Variants in CXCL9 observed in about 807,000 individuals in gnomAD.
CXCL9 encodes C-X-C motif chemokine ligand 9.
Under a neutral mutation model 11.7 loss-of-function variants are expected in CXCL9, and 8 were observed. The ratio of observed to expected loss-of-function variants is 0.68; its 90% CI spans 0.40 to 1.23. The LOEUF (loss-of-function observed/expected upper bound fraction) is 1.23. Among genes scored for constraint, CXCL9 ranks in the 50% most tolerant of loss-of-function variants. The pLI, the probability that CXCL9 is intolerant of heterozygous loss-of-function variation, is 0.01. For missense variants in CXCL9, 133 were observed against 141.7 expected, an observed-to-expected ratio of 0.94 and a Z score of 0.31; for synonymous variants, 43 against 48.2, an observed-to-expected ratio of 0.89 and a Z score of 0.45.
chr4:76,003,060 T>C lies in CXCL9; in HGVS notation c.*538A>G, dbSNP rs1028919588. On this transcript the variant is annotated 3_prime_UTR_variant, in exon 4 of 4. Coordinates refer to ENST00000264888, the MANE Select transcript of CXCL9 (RefSeq NM_002416.3). Reference sequence around the variant, plus strand: ...ACACACTGGTGATCTCCAGTGGTGATACCCAATAACAATCAGCATGAATCT... The same window carrying C: ...ACACACTGGTGATCTCCAGTGGTGACACCCAATAACAATCAGCATGAATCT... The C allele has an allele frequency of 6.6e-6, 1 of 152,464 alleles. No individual in the cohort carries two copies. Among genetic ancestry groups the C allele is most frequent in the Non-Finnish European group, 1.5e-5 (1 of 68,226 alleles). 9.4% of individuals were successfully genotyped at this position (152,464 alleles called of 1,614,324 possible).
At chr4:76,004,778 A>G in intron 3 of CXCL9, 31 bp downstream of exon 3, 1 of 1,583,916 alleles carries the variant, frequency 6.3e-7, no homozygotes, top group East Asian at 2.3e-5. Flanking sequence ...TTTCTAAAAG[A>G]AAGAAAATTT....
Position 76,007,421 on chromosome 4 carries a change from A to C in CXCL9, c.29T>G (p.Leu10Trp). The change falls in exon 1 of 4, where the codon TTG becomes TGG. Residue 10 changes from leucine to tryptophan, a missense_variant. Transcript: ENST00000264888. ...AATCAGAACCAGCAAGATGATGCCC[A>C]AGAGGAAAAGAACACCACTTTTCTT... MKKSGVLFL[L>W]GIILLVLIGV... The C allele has an allele frequency of 6.2e-7, 1 of 1,603,758 alleles. No homozygotes were observed. Among genetic ancestry groups the C allele is most frequent in the Non-Finnish European group, 8.5e-7 (1 of 1,170,530 alleles).
At chr4:76,004,110 C>T (rs1731532467) in intron 3 of CXCL9, among the ~76,000 whole-genome samples, 1 of 152,168 alleles carries the variant, frequency 6.6e-6, no homozygotes, top group African/African-American at 2.4e-5. Flanking sequence ...CCCAATCTCC[C>T]ACCCACATAT....
chr4:76,005,803 T>C (rs1731574013), intron 2 of CXCL9: 1 of 205,004 alleles, frequency 4.9e-6, no homozygotes, highest in East Asian at 1.3e-4. Flanking sequence ...ATCTATGTTA[T>C]GTGCACACGA....
intron 2 of CXCL9, chr4:76,005,483 T>C (rs1355231278): frequency 6.6e-6 from 1 of 152,254 alleles, no homozygotes; most frequent in African/African-American, 2.4e-5. Flanking sequence ...TCCTTCAACC[T>C]AGCAATCCTA....
intron 2 of CXCL9, 57 bp downstream of exon 2, chr4:76,006,091 C>T: frequency 6.5e-7 from 1 of 1,542,756 alleles, no homozygotes; most frequent in Non-Finnish European, 8.9e-7. Context: ...AAAACTCATG[C>T]TAAATTTAAT....
chr4:76,001,616 T>C lies in CXCL9; in HGVS notation c.*1982A>G, dbSNP rs1381163919. The C allele has an allele frequency of 6.6e-6, 1 of 152,230 alleles. No individual in the cohort carries two copies. The highest frequency in any genetic ancestry group is 1.5e-5 in the Non-Finnish European group (1 of 68,044). The allele number at this position is 152,230 out of a possible 1,614,324, so 9.4% of individuals were successfully genotyped here. ...TGTATGTATATATATGATAAATGAT[T>C]ATAACGTGTGTGTCAGTGACAATAT... is the stretch of plus-strand genomic sequence containing the variant. On this transcript the variant is annotated 3_prime_UTR_variant, in exon 4 of 4. Coordinates refer to ENST00000264888, the MANE Select transcript of CXCL9 (RefSeq NM_002416.3).
At chr4:76,006,066 A>C (rs1450086321) in intron 2 of CXCL9, 82 bp downstream of exon 2, 1 of 1,309,932 alleles carries the variant, frequency 7.6e-7, no homozygotes, top group African/African-American at 1.5e-5. Flanking sequence ...TTGTATGGGC[A>C]AGCACTCCAA....
intron 2 of CXCL9, chr4:76,005,138 C>G (rs936247890): frequency 5.1e-5 from 21 of 408,904 alleles, no homozygotes; most frequent in Non-Finnish European, 7.1e-5. Context: ...CTTCCAACTC[C>G]TGGATTCAAG....
Position 76,006,210 on chromosome 4 carries a change from T to C in CXCL9, c.129A>G (p.Leu43=), listed in dbSNP as rs111816429. The C allele has an allele frequency of 1.2e-6, 2 of 1,613,800 alleles. No individual in the cohort carries two copies. The highest frequency in any genetic ancestry group is 2.2e-5 in the South Asian group (2 of 91,080). The change falls in exon 2 of 4, where the codon CTA becomes CTG. Residue 43 remains leucine (L), a synonymous_variant. Transcript: ENST00000264888. ...ATTGTTTAAGGTCTTTCAAGGATTG[T>C]AGGTGGATAGTCCCTTGGTTGGTGC... ...CISTNQGTIH[L]QSLKDLKQFA... is the part of the protein sequence containing the mutation.
Position 76,002,429 on chromosome 4 carries a change from A to G in CXCL9, c.*1169T>C, listed in dbSNP as rs942200640. 1.0e-5 allele frequency: 4 copies of G among 398,490 alleles called. No individual in the cohort carries two copies. The highest frequency in any genetic ancestry group is 8.8e-5 in the Admixed American group (2 of 22,740). 24.7% of individuals were successfully genotyped at this position (398,490 alleles called of 1,614,324 possible). ...CCCTGTAGTGAGTGTCCTGAAGATA[A>G]TAAGTAAGAGGTTACCAGAGGCTAG... is the stretch of plus-strand genomic sequence containing the variant. On this transcript the variant is annotated 3_prime_UTR_variant, in exon 4 of 4. Transcript: ENST00000264888.
In CXCL9 at chr4:76,003,226, C is replaced by G. The variant is rs980949852; in HGVS notation, c.*372G>C. The G allele has an allele frequency of 2.2e-5, 4 of 181,912 alleles. No individual in the cohort carries two copies. Among genetic ancestry groups the G allele is most frequent in the African/African-American group, 9.5e-5 (4 of 41,900 alleles). The allele number at this position is 181,912 out of a possible 1,614,324, so 11.3% of individuals were successfully genotyped here. On this transcript the variant is annotated 3_prime_UTR_variant, in exon 4 of 4. Transcript: ENST00000264888. ...CAGGCTTAGGACTTGCTGACATGTG[C>G]CTCAGATACTCTCTGGAGGCTGCAG...
chr4:76,007,258 G>A, intron 1 of CXCL9, 128 bp downstream of exon 1: 2 of 713,504 alleles, frequency 2.8e-6, no homozygotes, highest in Non-Finnish European at 5.1e-6. Flanking sequence ...ATGTCACTGA[G>A]AAGCTTTTAT....
At chr4:76,006,503 G>A (rs991721837) in intron 1 of CXCL9, among the ~76,000 whole-genome samples, 1 of 152,308 alleles carries the variant, frequency 6.6e-6, no homozygotes, top group Admixed American at 6.5e-5. Context: ...GGGAGCAGGG[G>A]CAGGGTTTTA....
rs1213048971 is a variant in CXCL9 at position 76,003,645 on chromosome 4, G to A, written c.331C>T (p.Leu111=). ...NGKKHQKKKV[L]KVRKSQRSRQ... is the part of the protein sequence containing the mutation. ...GAACGTTGAGATTTTCGAACTTTCA[G>A]AACTTTCTTTTTTTGATGTTTTTTC... is the stretch of plus-strand genomic sequence containing the variant. Residue 111 remains leucine, a synonymous_variant, in exon 4 of 4, where the codon CTG becomes TTG. Transcript: ENST00000264888. 1 of 1,612,628 alleles carries A rather than the reference G, an allele frequency of 6.2e-7. No individual in the cohort carries two copies. The highest frequency in any genetic ancestry group is 1.3e-5 in the African/African-American group (1 of 74,882).
At position 76,003,049 on chromosome 4, in the gene CXCL9, T is replaced by G. The variant is rs193117940; in HGVS notation, c.*549A>C. On this transcript the variant is annotated 3_prime_UTR_variant, in exon 4 of 4. Coordinates refer to ENST00000264888, the MANE Select transcript of CXCL9 (RefSeq NM_002416.3). Reference sequence around the variant, plus strand: ...CTCTGAAAGCCACACACTGGTGATCTCCAGTGGTGATACCCAATAACAATC... The same window carrying G: ...CTCTGAAAGCCACACACTGGTGATCGCCAGTGGTGATACCCAATAACAATC... The G allele has an allele frequency of 2.0e-5, 3 of 152,502 alleles. No individual in the cohort carries two copies. The highest frequency in any genetic ancestry group is 3.4e-3 in the Middle Eastern group (1 of 294). The allele number at this position is 152,502 out of a possible 1,614,324, so 9.4% of individuals were successfully genotyped here.
At chr4:76,004,672 T>C (rs529162253) in intron 3 of CXCL9, 137 bp downstream of exon 3, 34 of 1,301,360 alleles carry the variant, frequency 2.6e-5, no homozygotes, top group African/African-American at 4.6e-5. Flanking sequence ...AGGAACAAAA[T>C]AGAAGCACCA....
Position 76,003,590 on chromosome 4 carries a change from G to C in CXCL9, c.*8C>G. ...TTAACACAGAATACTTATTGGTGAA[G>C]TGGTCTCTTATGTAGTCTTCTTTTG... On this transcript the variant is annotated 3_prime_UTR_variant, in exon 4 of 4. Transcript: ENST00000264888. 1.4e-6 allele frequency: 2 copies of C among 1,470,318 alleles called. No individual in the cohort carries two copies. The highest frequency in any genetic ancestry group is 1.9e-6 in the Non-Finnish European group (2 of 1,053,978). 91.1% of individuals were successfully genotyped at this position (1,470,318 alleles called of 1,614,324 possible).
At position 76,002,822 on chromosome 4, in the gene CXCL9, G is replaced by A; in HGVS notation, c.*776C>T. On this transcript the variant is annotated 3_prime_UTR_variant, in exon 4 of 4. Transcript: ENST00000264888. ...TTGGGAGAAGAAAGCACTTCTGTGG[G>A]GTGTTGGGGACAAGATGAGAAAGGA... 1 of 154,902 alleles carries A rather than the reference G, an allele frequency of 6.5e-6. No individual in the cohort carries two copies. Among genetic ancestry groups the A allele is most frequent in the Non-Finnish European group, 1.4e-5 (1 of 69,858 alleles). The allele number at this position is 154,902 out of a possible 1,614,324, so 9.6% of individuals were successfully genotyped here.
Sources: gnomAD v4.1 joint callset for allele counts (sites outside exome capture counted in the v4.1 genomes callset) on GRCh38, gnomAD v4.1.1 for gene constraint, MANE v1.5 for transcripts, NCBI Gene and HGNC (gene_info 2026-07-23, HGNC 2026-07-21) for gene names.